KIRREL3: variants seen among roughly 807,000 people sequenced by gnomAD.
KIRREL3 encodes kin of IRRE-like protein 3.
A neutral mutation model predicts 89.7 loss-of-function variants in KIRREL3; 36 were observed. That is an observed-to-expected ratio of 0.40 (90% CI 0.31 to 0.53). The LOEUF (loss-of-function observed/expected upper bound fraction) is 0.53, where lower values mean the gene tolerates loss of function less well. KIRREL3 is among the 20% of genes least tolerant of loss of function. The probability of loss-of-function intolerance (pLI) is 0.49; values close to 1 mark genes in which losing one functional copy is unlikely to be tolerated. For synonymous variants in KIRREL3, 445 were observed against 441.4 expected (o/e 1.01, Z -0.10); for missense variants, 864 against 1,056.6 (o/e 0.82, Z 2.53).
rs1018301312 is a variant in KIRREL3 at position 126,817,294 on chromosome 11, A to T, written c.55+183161T>A. Among the ~76,000 whole-genome samples, 5 of 152,312 alleles carry T rather than the reference A, an allele frequency of 3.3e-5. No individual in the cohort carries two copies. The highest frequency in any genetic ancestry group is 3.4e-3 in the Middle Eastern group (1 of 294). On this transcript the variant is annotated intron_variant, in intron 1 of 16. Coordinates refer to ENST00000525144, the MANE Select transcript of KIRREL3 (RefSeq NM_032531.4). The surrounding 1 kb of genome is among the most constrained non-coding windows in gnomAD (Gnocchi z 5.7). ...AAGGAAATGAGGATTTGCCTGAGTC[A>T]GAATGAGTTTCCAAGGAAAGAGGAT...
At chr11:126,929,993 G>A (rs1178874947) in intron 1 of KIRREL3, among the ~76,000 whole-genome samples, 1 of 152,058 alleles carries the variant, frequency 6.6e-6, no homozygotes, top group Non-Finnish European at 1.5e-5. Flanking sequence ...ACTTGAGGGA[G>A]GAGGAAGGAG....
At position 126,987,584 on chromosome 11, in the gene KIRREL3, C is replaced by G. The variant is rs1222506367; in HGVS notation, c.55+12871G>C. Among the ~76,000 whole-genome samples, 1 of 152,106 alleles carries G rather than the reference C, an allele frequency of 6.6e-6. No homozygotes were observed. The highest frequency in any genetic ancestry group is 6.5e-5 in the Admixed American group (1 of 15,270). On this transcript the variant is annotated intron_variant, in intron 1 of 16. Transcript: ENST00000525144. The surrounding 1 kb of genome is among the most constrained non-coding windows in gnomAD (Gnocchi z 4.6). ...GTCCCAATCTGATGAAGAGAACACC[C>G]AAAACAAAGCTCATGCCCAGAGAAA...
intron 1 of KIRREL3, among the ~76,000 whole-genome samples, chr11:126,770,853 T>A (rs1208074184): frequency 6.6e-6 from 1 of 152,196 alleles, no homozygotes; most frequent in Non-Finnish European, 1.5e-5. Context: ...TATTTTCTTT[T>A]GAGACAGAAT....
intron 1 of KIRREL3, among the ~76,000 whole-genome samples, chr11:126,573,406 G>A (rs1319532168): frequency 1.3e-5 from 2 of 152,146 alleles, no homozygotes; most frequent in Non-Finnish European, 2.9e-5. Context: ...CAGAGGATGA[G>A]GAACTGGTGA....
chr11:126,751,014 T>C (rs1434101194), intron 1 of KIRREL3, among the ~76,000 whole-genome samples: 1 of 152,242 alleles, frequency 6.6e-6, no homozygotes, highest in African/African-American at 2.4e-5. Flanking sequence ...TGTGTACACA[T>C]GTGATTTGGA....
rs572371931 is a variant in KIRREL3, at chr11:126,793,843, A to G, written c.55+206612T>C. On this transcript the variant is annotated intron_variant, in intron 1 of 16. Coordinates refer to ENST00000525144, the MANE Select transcript of KIRREL3 (RefSeq NM_032531.4). ...GCGTTCCTCTGCATGACTGAGCTCC[A>G]CTGTGAATAAATTTGCAATCCAAAT... Among the ~76,000 whole-genome samples the G allele has an allele frequency of 1.8e-4, 27 of 152,326 alleles. No homozygotes were observed. The South Asian group carries it at 5.6e-3, about 32-fold the overall frequency.
Position 126,809,403 on chromosome 11 carries a change from C to T in KIRREL3, c.55+191052G>A, listed in dbSNP as rs574297241. 4.6e-5 allele frequency among the ~76,000 whole-genome samples: 7 copies of T among 152,236 alleles called. No individual in the cohort carries two copies. In the South Asian group the frequency reaches 8.3e-4, roughly 18 times the overall value. On this transcript the variant is annotated intron_variant, in intron 1 of 16. Transcript: ENST00000525144. Reference sequence around the variant, plus strand: ...TATGTTGGGTGACACAGAAGACAGACAAGGAACTGACCGTGCCCCCCAAGG... The same window carrying T: ...TATGTTGGGTGACACAGAAGACAGATAAGGAACTGACCGTGCCCCCCAAGG...
intron 4 of KIRREL3, among the ~76,000 whole-genome samples, chr11:126,488,392 C>T (rs1957422814): frequency 6.6e-6 from 1 of 152,242 alleles, no homozygotes; most frequent in Non-Finnish European, 1.5e-5. Flanking sequence ...GTTTCCTCAC[C>T]TGTAAAGTGG....
chr11:126,624,061 G>A lies in KIRREL3; in HGVS notation c.56-61149C>T, dbSNP rs1286016238. Among the ~76,000 whole-genome samples the A allele has an allele frequency of 3.9e-5, 6 of 152,294 alleles. No individual in the cohort carries two copies. In the South Asian group the frequency reaches 1.2e-3, roughly 32 times the overall value. On this transcript the variant is annotated intron_variant, in intron 1 of 16. Transcript: ENST00000525144. This position sits in a 1 kb window ranked among gnomAD's most constrained non-coding sequence, Gnocchi z 6.0. ...GACTGTTTTTCCACCTGTGGCTTGG[G>A]AAGGACCATCCTTGCTGGTGATGGA...
chr11:126,939,032 C>T (rs533116884), intron 1 of KIRREL3, among the ~76,000 whole-genome samples: 3 of 152,242 alleles, frequency 2.0e-5, no homozygotes, highest in East Asian at 1.9e-4. Context: ...AGCTGAGCCC[C>T]GCCCTGCCAG....
At chr11:126,453,157 A>G (rs976836606) in intron 7 of KIRREL3, among the ~76,000 whole-genome samples, 19 of 149,466 alleles carry the variant, frequency 1.3e-4, no homozygotes, top group Non-Finnish European at 2.4e-4. Flanking sequence ...TTTGGTCTGA[A>G]CAAATGTAAG....
intron 1 of KIRREL3, among the ~76,000 whole-genome samples, chr11:126,960,432 C>G (rs1045652834): frequency 6.6e-6 from 1 of 152,138 alleles, no homozygotes; most frequent in Admixed American, 6.5e-5. Context: ...TTAAAGTTCT[C>G]CCAGTGCTCA....
rs556176873 is a variant in KIRREL3, at chr11:126,783,281, C to T, written c.55+217174G>A. 6.6e-6 allele frequency among the ~76,000 whole-genome samples: 1 copy of T among 152,254 alleles called. No homozygotes were observed. The highest frequency in any genetic ancestry group is 2.4e-5 in the African/African-American group (1 of 41,542). On this transcript the variant is annotated intron_variant, in intron 1 of 16. Coordinates refer to ENST00000525144, the MANE Select transcript of KIRREL3 (RefSeq NM_032531.4). The surrounding 1 kb of genome is among the most constrained non-coding windows in gnomAD (Gnocchi z 4.3). The stretch of plus-strand genomic sequence containing the variant: ...AATCTCTGCCTCTGTGGTGACATGG[C>T]CCTCTTCTCTCTGTGTGTCCCTCTT...
intron 1 of KIRREL3, among the ~76,000 whole-genome samples, chr11:126,590,837 G>A (rs1256752614): frequency 6.6e-6 from 1 of 152,074 alleles, no homozygotes; most frequent in Non-Finnish European, 1.5e-5. Flanking sequence ...ATCCCAGCCA[G>A]GTCTTCCATC....
chr11:126,575,711 C>A lies in KIRREL3; in HGVS notation c.56-12799G>T, dbSNP rs1941220002. On this transcript the variant is annotated intron_variant, in intron 1 of 16. Coordinates refer to ENST00000525144, the MANE Select transcript of KIRREL3 (RefSeq NM_032531.4). This position sits in a 1 kb window ranked among gnomAD's most constrained non-coding sequence, Gnocchi z 7.0. The stretch of plus-strand genomic sequence containing the variant: ...CAGCTCAAGGAACAGCTTTGTTCAG[C>A]TCTCAGAGGAAGGGGCTGCCTGGTG... 6.6e-6 allele frequency among the ~76,000 whole-genome samples: 1 copy of A among 152,106 alleles called. No individual in the cohort carries two copies. Among genetic ancestry groups the A allele is most frequent in the African/African-American group, 2.4e-5 (1 of 41,384 alleles).
intron 1 of KIRREL3, among the ~76,000 whole-genome samples, chr11:126,927,163 A>G (rs1235888809): frequency 6.6e-6 from 1 of 152,244 alleles, no homozygotes; most frequent in Non-Finnish European, 1.5e-5. Flanking sequence ...GACAGCTGAG[A>G]TGGGGTTACC....
rs899348906 is a variant in KIRREL3 at position 126,474,915 on chromosome 11, T to TCAGG, written c.434-1453_434-1450dup. On this transcript the variant is annotated intron_variant, in intron 4 of 16. Coordinates refer to ENST00000525144, the MANE Select transcript of KIRREL3 (RefSeq NM_032531.4). This position sits in a 1 kb window ranked among gnomAD's most constrained non-coding sequence, Gnocchi z 6.7. ...TGTGCTTGGGGACACGTTGAGAGTC[T>TCAGG]CAGGCCTCTGCTGCTCCCTGGACAA... Among the ~76,000 whole-genome samples the TCAGG allele has an allele frequency of 4.6e-5, 7 of 152,116 alleles. No homozygotes were observed. The highest frequency in any genetic ancestry group is 1.4e-4 in the African/African-American group (6 of 41,410).
chr11:126,862,745 G>C (rs1318954694), intron 1 of KIRREL3, among the ~76,000 whole-genome samples: 1 of 152,194 alleles, frequency 6.6e-6, no homozygotes, highest in African/African-American at 2.4e-5. Flanking sequence ...TACCACAATA[G>C]GTCCTTTCCA....
Position 126,476,093 on chromosome 11 carries a change from C to T in KIRREL3, c.434-2627G>A, listed in dbSNP as rs952183911. ...CTCTCAGGGTGGCTTCAGGTGCAAA[C>T]GTGAGAGCTCGGAGGATCTGGGAAC... On this transcript the variant is annotated intron_variant, in intron 4 of 16. Coordinates refer to ENST00000525144, the MANE Select transcript of KIRREL3 (RefSeq NM_032531.4). The surrounding 1 kb of genome is among the most constrained non-coding windows in gnomAD (Gnocchi z 6.4). Among the ~76,000 whole-genome samples the T allele has an allele frequency of 1.2e-4, 19 of 152,216 alleles. No homozygotes were observed. Among genetic ancestry groups the T allele is most frequent in the African/African-American group, 4.3e-4 (18 of 41,446 alleles).
Sources: allele counts gnomAD v4.1 joint callset (sites outside exome capture counted in the v4.1 genomes callset), GRCh38; gene constraint gnomAD v4.1.1; non-coding constraint Gnocchi (gnomAD v3.1); transcripts MANE v1.5; gene names NCBI Gene and HGNC (gene_info 2026-07-23, HGNC 2026-07-21).